Variants in UGGT1 observed in about 807,000 individuals in gnomAD.
The protein encoded by UGGT1 is UDP-glucose glycoprotein glucosyltransferase 1.
UGGT1 carries 107 observed loss-of-function variants against 203.9 expected under a neutral mutation model. The ratio of observed to expected loss-of-function variants is 0.52; its 90% CI spans 0.45 to 0.62. The LOEUF is 0.62. UGGT1 is among the 20% of genes least tolerant of loss of function. The probability of loss-of-function intolerance (pLI) is 0.00; values close to 1 mark genes in which losing one functional copy is unlikely to be tolerated. For missense variants in UGGT1, 1,673 were observed against 1,867.2 expected (o/e 0.90, Z 1.92); for synonymous variants, 628 against 653.5 (o/e 0.96, Z 0.59).
chr2:128,182,519 C>T lies in UGGT1; in HGVS notation c.4244+229C>T, dbSNP rs569537571. Among the ~76,000 whole-genome samples, 737 of 151,940 alleles carry T rather than the reference C, an allele frequency of 4.9e-3. 8 individuals are homozygous for T. The highest frequency in any genetic ancestry group is 0.017 in the African/African-American group (697 of 41,450). On this transcript the variant is annotated intron_variant, in intron 37 of 40. Transcript: ENST00000259253. ...TTCAAGACCAGCCTGGCCAACATGG[C>T]GAAACCCCGTCTCTACTAAAAATAC...
At chr2:128,147,424 T>G (rs1689744175) in intron 18 of UGGT1, among the ~76,000 whole-genome samples, 1 of 152,190 alleles carries the variant, frequency 6.6e-6, no homozygotes, top group Non-Finnish European at 1.5e-5. Flanking sequence ...TTTTAGTTCT[T>G]GAATATATTT....
intron 6 of UGGT1, 125 bp downstream of exon 6, chr2:128,113,383 C>A: frequency 3.9e-6 from 3 of 764,750 alleles, no homozygotes; most frequent in Non-Finnish European, 5.7e-6. Context: ...TTTGACAAAT[C>A]CAGTAGTTTC....
rs759449777 is a variant in UGGT1 at position 128,097,428 on chromosome 2, G to T, written c.59-1G>T. 18 of 1,596,760 alleles carry T rather than the reference G, an allele frequency of 1.1e-5. No individual in the cohort carries two copies. The highest frequency in any genetic ancestry group is 2.7e-5 in the African/African-American group (2 of 73,450). ...AACTTCTTTTCTTTTTTTCCTTTTA[G>T]GAGTTTGCTATAAAATGGGAGTTCT... On this transcript the variant is annotated splice_acceptor_variant, in intron 1 of 40. Coordinates refer to ENST00000259253, the MANE Select transcript of UGGT1 (RefSeq NM_020120.4). LOFTEE classifies it high-confidence loss of function.
chr2:128,151,151 C>G, intron 18 of UGGT1: 1 of 444,494 alleles, frequency 2.2e-6, no homozygotes, highest in Non-Finnish European at 4.3e-6. Context: ...GCACCCGGCC[C>G]AGATTTCTTA....
chr2:128,165,934 G>A (rs1021533693), intron 26 of UGGT1, among the ~76,000 whole-genome samples: 6 of 151,990 alleles, frequency 3.9e-5, no homozygotes, highest in Non-Finnish European at 8.8e-5. Context: ...GCTAGTTTTT[G>A]TATTTTTTAT....
intron 1 of UGGT1, among the ~76,000 whole-genome samples, chr2:128,093,422 A>G (rs1161385616): frequency 6.6e-6 from 1 of 152,236 alleles, no homozygotes; most frequent in East Asian, 1.9e-4. Context: ...CGTGGAGACC[A>G]TGATAGACAA....
At chr2:128,120,856 G>A (rs1482624820) in intron 9 of UGGT1, among the ~76,000 whole-genome samples, 1 of 151,950 alleles carries the variant, frequency 6.6e-6, no homozygotes, top group South Asian at 2.1e-4. Flanking sequence ...TTTCCCCAAC[G>A]TCATTTACTA....
In UGGT1 at chr2:128,133,239, C is replaced by T. The variant is rs139418908; in HGVS notation, c.1476C>T (p.Ile492=). The change falls in exon 14 of 41, where the codon ATC becomes ATT. Residue 492 remains isoleucine, a synonymous_variant. Transcript: ENST00000259253. ...CCTTTCCTGGTGTTATTCGGCAGAT[C>T]AGGAAAAACTTACATAATATGGTAA... The part of the protein sequence containing the change: ...RPTFPGVIRQ[I]RKNLHNMVFI... 8.1e-6 allele frequency: 13 copies of T among 1,613,682 alleles called. No individual in the cohort carries two copies. In the African/African-American group the frequency reaches 1.3e-4, roughly 17 times the overall value.
rs1374799111 is a variant in UGGT1, at chr2:128,092,080, T to G, written c.58+665T>G. On this transcript the variant is annotated intron_variant, in intron 1 of 40. Transcript: ENST00000259253. ...TTTTGCCTTATTGTGCTACACTAAC[T>G]GTTTTGGAAACATTCATTGATGTAC... Among the ~76,000 whole-genome samples the G allele has an allele frequency of 2.0e-5, 3 of 152,194 alleles. No homozygotes were observed. The East Asian group carries it at 5.8e-4, about 29-fold the overall frequency.
chr2:128,113,414 A>G lies in UGGT1; in HGVS notation c.696+156A>G, dbSNP rs981885998. Among the ~76,000 whole-genome samples the G allele has an allele frequency of 2.6e-5, 4 of 152,196 alleles. No homozygotes were observed. The South Asian group carries it at 8.3e-4, about 31-fold the overall frequency. On this transcript the variant is annotated intron_variant, in intron 6 of 40. Transcript: ENST00000259253. ...GTTTCATTGAGTCTATTATTTGCAC[A>G]TATGATGTGCTTTGCTTGGCTTTCT...
intron 5 of UGGT1, among the ~76,000 whole-genome samples, chr2:128,110,217 A>G (rs1337589554): frequency 1.3e-5 from 2 of 152,132 alleles, no homozygotes; most frequent in Non-Finnish European, 2.9e-5. Flanking sequence ...TTTTTGCCCA[A>G]AGGTGGGTTT....
In UGGT1 at chr2:128,138,857, G is replaced by A. The variant is rs969791856; in HGVS notation, c.1719+5G>A. ...GCCTTCCAGACTCTGACACATGTACGTTTTTGTTCAGAATGGCAAATAATT... is the reference window on the plus strand; with the variant it reads ...GCCTTCCAGACTCTGACACATGTACATTTTTGTTCAGAATGGCAAATAATT... On this transcript the variant is annotated splice_donor_5th_base_variant and intron_variant, in intron 16 of 40. Transcript: ENST00000259253. 8.7e-6 allele frequency: 14 copies of A among 1,610,962 alleles called. No individual in the cohort carries two copies. Among genetic ancestry groups the A allele is most frequent in the East Asian group, 2.2e-5 (1 of 44,862 alleles).
At chr2:128,152,346 T>C (rs1690014536) in intron 18 of UGGT1, among the ~76,000 whole-genome samples, 1 of 152,170 alleles carries the variant, frequency 6.6e-6, no homozygotes, top group South Asian at 2.1e-4. Context: ...TTTGTATTTT[T>C]AGTAAAGATG....
Position 128,159,562 on chromosome 2 carries a change from G to C in UGGT1, c.2404G>C (p.Glu802Gln). The change falls in exon 23 of 41, where the codon GAG becomes CAG. Residue 802 changes from glutamate (E) to glutamine (Q), a missense_variant. By Grantham distance (29) the Glu-to-Gln change is conservative. Transcript: ENST00000259253. ...AAGCATGATCAATAATCCTGCCAAAGAGATAAGCTATGAGAACACTCAGAT... is the reference window on the plus strand; with the variant it reads ...AAGCATGATCAATAATCCTGCCAAACAGATAAGCTATGAGAACACTCAGAT... ...RISMINNPAK[E>Q]ISYENTQISR... 6.2e-7 allele frequency: 1 copy of C among 1,614,152 alleles called. No individual in the cohort carries two copies. The highest frequency in any genetic ancestry group is 8.5e-7 in the Non-Finnish European group (1 of 1,180,024).
At chr2:128,163,621 A>G (rs1558809452) in intron 25 of UGGT1, among the ~76,000 whole-genome samples, 1 of 151,960 alleles carries the variant, frequency 6.6e-6, no homozygotes, top group Non-Finnish European at 1.5e-5. Flanking sequence ...AGGCTGAGGC[A>G]GGAGAATGGC....
At chr2:128,171,094 C>G in intron 27 of UGGT1, 111 bp from the exon 28 acceptor site, 1 of 983,366 alleles carries the variant, frequency 1.0e-6, no homozygotes, top group South Asian at 1.7e-5. Flanking sequence ...AGTGCAGACT[C>G]TGTGGCTGTT....
intron 33 of UGGT1, 43 bp downstream of exon 33, chr2:128,177,963 AG>A: frequency 6.6e-7 from 1 of 1,510,276 alleles, no homozygotes; most frequent in Non-Finnish European, 9.0e-7. Context: ...GGAAAAACTG[AG>A]ATATAAGCAC....
intron 36 of UGGT1, among the ~76,000 whole-genome samples, chr2:128,181,914 C>A (rs1187701835): frequency 6.6e-6 from 1 of 152,160 alleles, no homozygotes; most frequent in Non-Finnish European, 1.5e-5. Flanking sequence ...TTGTTTTATT[C>A]CTACTCCCAC....
In UGGT1 at chr2:128,193,421, T is replaced by G. The variant is rs1692369382; in HGVS notation, c.*3679T>G. On this transcript the variant is annotated 3_prime_UTR_variant, in exon 41 of 41. Transcript: ENST00000259253. ...CGCCTGCCACCATGCCTGGTTAATT[T>G]TTGTATTTTTAGTAGAGATGGGGTT... 6.6e-6 allele frequency: 1 copy of G among 151,734 alleles called. No individual in the cohort carries two copies. Among genetic ancestry groups the G allele is most frequent in the African/African-American group, 2.4e-5 (1 of 41,340 alleles). The allele number at this position is 151,734 out of a possible 1,614,324, so 9.4% of individuals were successfully genotyped here.
Sources: allele counts gnomAD v4.1 joint callset (sites outside exome capture counted in the v4.1 genomes callset), GRCh38; gene constraint gnomAD v4.1.1; transcripts MANE v1.5; gene names NCBI Gene and HGNC (gene_info 2026-07-23, HGNC 2026-07-21).